The following STARD13 variants were observed in gnomAD, a reference collection of about 807,000 sequenced individuals.
The protein encoded by STARD13 is stAR-related lipid transfer protein 13.
In STARD13, 62 loss-of-function variants were observed where a neutral mutation model predicts 106.4. The observed-to-expected ratio is 0.58, with a 90% CI of 0.48 to 0.72. The LOEUF is 0.72. STARD13 is among the 30% of genes least tolerant of loss of function. STARD13 has a pLI of 0.00. For missense variants in STARD13, 1,387 were observed against 1,424.0 expected, an observed-to-expected ratio of 0.97 and a Z score of 0.42; for synonymous variants, 565 against 553.0, an observed-to-expected ratio of 1.02 and a Z score of -0.31.
At chr13:33,480,079 A>G in the STARD13 span, among the ~76,000 whole-genome samples, 1 of 152,254 alleles carries the variant, frequency 6.6e-6, no homozygotes, top group East Asian at 1.9e-4. Context: ...GAAGGAATGT[A>G]TAGTGTATTA....
chr13:33,281,419 TG>T (rs1380835396), intron 1 of STARD13: 2 of 151,870 alleles, frequency 1.3e-5, no homozygotes, highest in Non-Finnish European at 2.9e-5. Context: ...TGTGTGTGTG[TG>T]TGTGTGTGTG....
intron 3 of STARD13, among the ~76,000 whole-genome samples, chr13:33,142,864 G>A (rs1749689): frequency 0.73 from 111,520 of 152,134 alleles, 41,089 homozygotes; most frequent in East Asian, 0.8. Context: ...TGCCGCTCCA[G>A]AACACATACG....
chr13:33,479,130 A>G, the STARD13 span, among the ~76,000 whole-genome samples: 904 of 152,336 alleles, frequency 5.9e-3, 2 homozygotes, highest in Non-Finnish European at 9.3e-3. Context: ...TAAACATATG[A>G]AAAGATTATC....
At chr13:33,588,305 A>G in the STARD13 span, among the ~76,000 whole-genome samples, 1 of 152,218 alleles carries the variant, frequency 6.6e-6, no homozygotes, top group Non-Finnish European at 1.5e-5. Flanking sequence ...TGCAGTGCTT[A>G]GCACAATGCA....
the STARD13 span, among the ~76,000 whole-genome samples, chr13:33,496,935 A>G: frequency 1.3e-5 from 2 of 152,124 alleles, no homozygotes; most frequent in African/African-American, 2.4e-5. Context: ...CAATTATCCT[A>G]CAAGTACCGT....
At chr13:33,566,048 TAAAC>T in the STARD13 span, among the ~76,000 whole-genome samples, 50 of 148,486 alleles carry the variant, frequency 3.4e-4, 2 homozygotes, top group African/African-American at 1.2e-3. Context: ...ATTCCAGAAA[TAAAC>T]AATTCATAAG....
At chr13:33,481,958 G>A in the STARD13 span, among the ~76,000 whole-genome samples, 2 of 150,582 alleles carry the variant, frequency 1.3e-5, no homozygotes, top group African/African-American at 4.9e-5. Context: ...ACTCCAGCCT[G>A]GGCTACAGAG....
chr13:33,251,142 T>A lies in STARD13; in HGVS notation c.169+34328A>T, dbSNP rs375472646. ...AACTCTCTGAGGCTCATGTTTTTAT[T>A]TATAAAATATCATCACATCAACCTC... is the stretch of plus-strand genomic sequence containing the variant. On this transcript the variant is annotated intron_variant, in intron 1 of 13. Transcript: ENST00000336934. 2.2e-4 allele frequency among the ~76,000 whole-genome samples: 33 copies of A among 152,290 alleles called. 2 individuals carry two copies. In the East Asian group the frequency reaches 5.0e-3, roughly 23 times the overall value.
intron 1 of STARD13, among the ~76,000 whole-genome samples, chr13:33,190,518 A>G (rs2138501547): frequency 6.6e-6 from 1 of 152,210 alleles, no homozygotes; most frequent in Middle Eastern, 3.4e-3. Flanking sequence ...CACCACCACC[A>G]TGAGAGATGA....
the STARD13 span, among the ~76,000 whole-genome samples, chr13:33,394,569 G>A: frequency 1.1e-4 from 17 of 152,132 alleles, no homozygotes; most frequent in African/African-American, 3.9e-4. Flanking sequence ...ATGTAATTAC[G>A]CCAGAGGATT....
intron 1 of STARD13, among the ~76,000 whole-genome samples, chr13:33,246,339 T>A (rs1473666764): frequency 6.6e-6 from 1 of 152,216 alleles, no homozygotes; most frequent in Non-Finnish European, 1.5e-5. Flanking sequence ...ATTCATTCAC[T>A]TTCTATGCAC....
chr13:33,106,663 T>C (rs1459272846), intron 13 of STARD13, 95 bp downstream of exon 13: 26 of 1,200,010 alleles, frequency 2.2e-5, no homozygotes, highest in Non-Finnish European at 4.6e-6. Flanking sequence ...ACAAATACAG[T>C]GAAATAAGAA....
chr13:33,497,637 G>C, the STARD13 span, among the ~76,000 whole-genome samples: 5,247 of 152,142 alleles, frequency 0.034, 287 homozygotes, highest in African/African-American at 0.12. Flanking sequence ...TAGCTGATTT[G>C]TTTATTCTAT....
intron 3 of STARD13, among the ~76,000 whole-genome samples, chr13:33,146,399 A>T (rs2138255706): frequency 6.6e-6 from 1 of 151,962 alleles, no homozygotes; most frequent in African/African-American, 2.4e-5. Context: ...TGAGAGGATC[A>T]CTTGAGCCTG....
chr13:33,233,549 A>G (rs562646877), intron 1 of STARD13, among the ~76,000 whole-genome samples: 2 of 152,170 alleles, frequency 1.3e-5, no homozygotes, highest in South Asian at 4.2e-4. Flanking sequence ...CTCTGCCTTC[A>G]CCATCCTTCA....
rs541423176 is a variant in STARD13 at position 33,267,101 on chromosome 13, C to T, written c.169+18369G>A. Among the ~76,000 whole-genome samples the T allele has an allele frequency of 5.9e-5, 9 of 152,324 alleles. No individual in the cohort carries two copies. In the South Asian group the frequency reaches 1.9e-3, roughly 32 times the overall value. On this transcript the variant is annotated intron_variant, in intron 1 of 13. Transcript: ENST00000336934. Reference sequence around the variant, plus strand: ...TCCAGGTGGAACACAAACTCGAGTGCAGCAGTGTCAGCACACAGCTAAACT... The same window carrying T: ...TCCAGGTGGAACACAAACTCGAGTGTAGCAGTGTCAGCACACAGCTAAACT...
chr13:33,539,296 T>C, the STARD13 span, among the ~76,000 whole-genome samples: 2 of 152,198 alleles, frequency 1.3e-5, no homozygotes, highest in African/African-American at 4.8e-5. Context: ...TGTTCATAGA[T>C]TGGAAAACTC....
the STARD13 span, among the ~76,000 whole-genome samples, chr13:33,425,176 G>A: frequency 1.3e-5 from 2 of 152,194 alleles, no homozygotes; most frequent in Admixed American, 1.3e-4. Context: ...TTATTTCATG[G>A]TGCCTTCTTT....
chr13:33,307,358 G>A (rs1358926082), intron 1 of STARD13, among the ~76,000 whole-genome samples: 2 of 152,158 alleles, frequency 1.3e-5, no homozygotes, highest in East Asian at 3.9e-4. Context: ...ATACATGCAT[G>A]TGTATGTTCA....
Sources: gnomAD v4.1 joint callset for allele counts (sites outside exome capture counted in the v4.1 genomes callset) on GRCh38, gnomAD v4.1.1 for gene constraint, MANE v1.5 for transcripts, NCBI Gene and HGNC (gene_info 2026-07-23, HGNC 2026-07-21) for gene names.